DNER: variants seen among roughly 807,000 people sequenced by gnomAD.
The protein encoded by DNER is delta and Notch-like epidermal growth factor-related receptor.
A neutral mutation model predicts 78.2 loss-of-function variants in DNER; 33 were observed. The ratio of observed to expected loss-of-function variants is 0.42; its 90% confidence interval spans 0.32 to 0.56. The LOEUF (loss-of-function observed/expected upper bound fraction) is 0.56. Ranked by LOEUF, DNER falls within the 20% of genes least tolerant of loss-of-function variation. The pLI, the probability that DNER is intolerant of heterozygous loss-of-function variation, is 0.11. For synonymous variants in DNER, 417 were observed against 384.8 expected, an observed-to-expected ratio of 1.08 and a Z score of -0.98; for missense variants, 918 against 975.3, an observed-to-expected ratio of 0.94 and a Z score of 0.78.
chr2:229,543,348 T>C (rs2154213116), intron 5 of DNER, among the ~76,000 whole-genome samples: 1 of 152,126 alleles, frequency 6.6e-6, no homozygotes, highest in African/African-American at 2.4e-5. Flanking sequence ...TTTCAATGAG[T>C]CCATTTGAAG....
At chr2:229,512,483 A>G (rs1388530593) in intron 6 of DNER, among the ~76,000 whole-genome samples, 4 of 152,148 alleles carry the variant, frequency 2.6e-5, no homozygotes, top group Non-Finnish European at 5.9e-5. Context: ...ACCAAACATC[A>G]TATGTTCTCA....
At chr2:229,555,605 A>C (rs1265408331) in intron 4 of DNER, among the ~76,000 whole-genome samples, 3 of 152,154 alleles carry the variant, frequency 2.0e-5, no homozygotes, top group Non-Finnish European at 2.9e-5. Context: ...CCTTTACTGA[A>C]GCTTCCTTGA....
chr2:229,628,393 G>A (rs547546503), intron 1 of DNER, among the ~76,000 whole-genome samples: 2 of 152,216 alleles, frequency 1.3e-5, no homozygotes, highest in South Asian at 2.1e-4. Flanking sequence ...AAAATAAAAT[G>A]GCAGTTTCAG....
At chr2:229,653,942 C>T (rs1386414706) in intron 1 of DNER, among the ~76,000 whole-genome samples, 2 of 152,146 alleles carry the variant, frequency 1.3e-5, no homozygotes, top group Admixed American at 6.5e-5. Flanking sequence ...GTCATGAGGA[C>T]GTTCAGCAAG....
In DNER at chr2:229,714,204, C is replaced by G; in HGVS notation, c.220G>C (p.Gly74Arg). 2 of 1,380,934 alleles carry G rather than the reference C, an allele frequency of 1.4e-6. No individual in the cohort carries two copies. Among genetic ancestry groups the G allele is most frequent in the Non-Finnish European group, 1.9e-6 (2 of 1,070,598 alleles). 85.5% of individuals were successfully genotyped at this position (1,380,934 alleles called of 1,614,324 possible). Residue 74 changes from glycine (G) to arginine (R), a missense_variant, in exon 1 of 13, where the codon GGC becomes CGC. Coordinates refer to ENST00000341772, the MANE Select transcript of DNER (RefSeq NM_139072.4). ...EPDPQHPAPA[G>R]EPGYSCTCPA... The stretch of plus-strand genomic sequence containing the variant: ...CAGGTGCAGCTGTAGCCAGGCTCGC[C>G]GGCGGGGGCCGGGTGCTGCGGGTCC...
At chr2:229,422,003 C>T (rs1434361877) in intron 8 of DNER, among the ~76,000 whole-genome samples, 2 of 152,072 alleles carry the variant, frequency 1.3e-5, no homozygotes. Context: ...ATATGAAAAG[C>T]AAATGAGGAA....
At chr2:229,489,754 A>C (rs1269360938) in intron 6 of DNER, among the ~76,000 whole-genome samples, 1 of 152,174 alleles carries the variant, frequency 6.6e-6, no homozygotes, top group Non-Finnish European at 1.5e-5. Context: ...TCAGGAGAGC[A>C]GGCACAGTGC....
intron 2 of DNER, 140 bp from the exon 3 acceptor site, chr2:229,588,628 G>A (rs1697544700): frequency 3.0e-6 from 2 of 662,060 alleles, no homozygotes; most frequent in Non-Finnish European, 5.2e-6. Context: ...ATGAAGAAGT[G>A]AAGCCTTACA....
intron 7 of DNER, among the ~76,000 whole-genome samples, chr2:229,457,049 A>G (rs888781726): frequency 2.0e-5 from 3 of 152,166 alleles, no homozygotes; most frequent in African/African-American, 7.3e-5. Context: ...CTCGTCAAAC[A>G]GAATTCTAGT....
intron 2 of DNER, 86 bp from the exon 3 acceptor site, chr2:229,588,574 T>C: frequency 8.4e-7 from 1 of 1,194,524 alleles, no homozygotes. Context: ...ATGCTGAATT[T>C]CCTTCATCCC....
intron 1 of DNER, among the ~76,000 whole-genome samples, chr2:229,670,732 T>A (rs900907278): frequency 6.6e-6 from 1 of 152,206 alleles, no homozygotes; most frequent in Non-Finnish European, 1.5e-5. Context: ...ATGATGGAAA[T>A]GTTGTATCCC....
intron 10 of DNER, among the ~76,000 whole-genome samples, chr2:229,389,081 T>C (rs2106336459): frequency 6.6e-6 from 1 of 152,098 alleles, no homozygotes; most frequent in South Asian, 2.1e-4. Context: ...AGAGAACTTG[T>C]GAAGTCTGGG....
At chr2:229,508,476 G>T (rs1695788538) in intron 6 of DNER, among the ~76,000 whole-genome samples, 1 of 152,188 alleles carries the variant, frequency 6.6e-6, no homozygotes, top group Non-Finnish European at 1.5e-5. Flanking sequence ...AAGTGCCAGA[G>T]AATTGCATGC....
chr2:229,482,525 A>G (rs1013824296), intron 6 of DNER, among the ~76,000 whole-genome samples: 1 of 152,190 alleles, frequency 6.6e-6, no homozygotes, highest in African/African-American at 2.4e-5. Context: ...ACCGTGCTGC[A>G]GCCACCCAGG....
At chr2:229,694,119 G>A (rs1338850287) in intron 1 of DNER, among the ~76,000 whole-genome samples, 1 of 152,250 alleles carries the variant, frequency 6.6e-6, no homozygotes, top group Non-Finnish European at 1.5e-5. Context: ...TGCTTTAGAG[G>A]GTGCAAGCCC....
At position 229,358,348 on chromosome 2, in the gene DNER, G is replaced by A. The variant is rs1357351047; in HGVS notation, c.*192C>T. 5.0e-5 allele frequency: 23 copies of A among 456,834 alleles called. No homozygotes were observed. Among genetic ancestry groups the A allele is most frequent in the Admixed American group, 2.2e-4 (6 of 27,164 alleles). 28.3% of individuals were successfully genotyped at this position (456,834 alleles called of 1,614,324 possible). A position where few individuals can be genotyped will look rare whatever the true frequency, so the allele number is the denominator to read the frequency against. The stretch of plus-strand genomic sequence containing the variant: ...AGAGCTGAAGGTACATTAAAACATC[G>A]TCTATAGGTTTCACAAATTTTGTTT... On this transcript the variant is annotated 3_prime_UTR_variant, in exon 13 of 13. Transcript: ENST00000341772.
chr2:229,368,099 T>C (rs953476666), intron 11 of DNER, among the ~76,000 whole-genome samples: 1 of 152,174 alleles, frequency 6.6e-6, no homozygotes, highest in Non-Finnish European at 1.5e-5. Context: ...TGGTGGCTCA[T>C]GCTTGTAATC....
intron 1 of DNER, among the ~76,000 whole-genome samples, chr2:229,596,947 G>A (rs1258157733): frequency 1.3e-5 from 2 of 151,738 alleles, no homozygotes; most frequent in East Asian, 1.9e-4. Flanking sequence ...GCACATGCAT[G>A]CACATGCACG....
At chr2:229,515,639 A>ATTTTTTTTTTTT (rs1162899815) in intron 5 of DNER, among the ~76,000 whole-genome samples, 1 of 71,538 alleles carries the variant, frequency 1.4e-5, no homozygotes. Context: ...AGTTAGCTTT[A>ATTTTTTTTTTTT]TTTTTTTATT....
Sources: gnomAD v4.1 joint callset for allele counts (sites outside exome capture counted in the v4.1 genomes callset) on GRCh38, gnomAD v4.1.1 for gene constraint, MANE v1.5 for transcripts, NCBI Gene and HGNC (gene_info 2026-07-23, HGNC 2026-07-21) for gene names.